Variants in ITGA4 observed in about 807,000 individuals in gnomAD.
The protein encoded by ITGA4 is integrin subunit alpha 4.
ITGA4 carries 63 observed loss-of-function variants against 133.6 expected under a neutral mutation model. That is an observed-to-expected ratio of 0.47 (90% CI 0.38 to 0.58). ITGA4 has a LOEUF of 0.58. Among genes scored for constraint, ITGA4 ranks in the 20% least tolerant of loss-of-function variants. The probability of loss-of-function intolerance (pLI) is 0.00; values close to 1 mark genes in which losing one functional copy is unlikely to be tolerated. For missense variants in ITGA4, 1,076 were observed against 1,252.7 expected, an observed-to-expected ratio of 0.86 and a Z score of 2.13; for synonymous variants, 483 against 438.0, an observed-to-expected ratio of 1.10 and a Z score of -1.28.
rs780670596 is a variant in ITGA4 at position 181,486,102 on chromosome 2, G to C, written c.1153+110G>C. 1.4e-5 allele frequency: 19 copies of C among 1,391,988 alleles called. No homozygotes were observed. The East Asian group carries it at 2.4e-4, about 18-fold the overall frequency. 86.2% of individuals were successfully genotyped at this position (1,391,988 alleles called of 1,614,324 possible). A position where few individuals can be genotyped will look rare whatever the true frequency, so the allele number is the denominator to read the frequency against. On this transcript the variant is annotated intron_variant, in intron 10 of 27. Coordinates refer to ENST00000397033, the MANE Select transcript of ITGA4 (RefSeq NM_000885.6). ...TTCCTTCCTATAGAAGATGGAGCCA[G>C]AATGGCATGCTAAGTTTTTTCTTTT...
intron 25 of ITGA4, among the ~76,000 whole-genome samples, chr2:181,532,189 C>G (rs1414765433): frequency 6.6e-6 from 1 of 152,172 alleles, no homozygotes; most frequent in African/African-American, 2.4e-5. Flanking sequence ...AGTCGGGTAG[C>G]CTGATGCCTC....
intron 2 of ITGA4, among the ~76,000 whole-genome samples, chr2:181,464,246 A>AG (rs1685358566): frequency 6.6e-6 from 1 of 152,156 alleles, no homozygotes; most frequent in South Asian, 2.1e-4. Flanking sequence ...GTAAATTATG[A>AG]GGTCTCATTA....
At chr2:181,458,359 C>G in intron 2 of ITGA4, 42 bp downstream of exon 2, 1 of 1,594,608 alleles carries the variant, frequency 6.3e-7, no homozygotes, top group South Asian at 1.1e-5. Flanking sequence ...CCTCCCGACC[C>G]CCCATGTGGA....
intron 22 of ITGA4, among the ~76,000 whole-genome samples, chr2:181,529,110 A>AT (rs1227667072): frequency 6.6e-6 from 1 of 152,198 alleles, no homozygotes; most frequent in Non-Finnish European, 1.5e-5. Context: ...AACTCTTGTC[A>AT]TTTTTTAACT....
chr2:181,458,352 C>G, intron 2 of ITGA4, 35 bp downstream of exon 2: 1 of 1,599,122 alleles, frequency 6.3e-7, no homozygotes, highest in Non-Finnish European at 8.5e-7. Context: ...TTAGTGACCT[C>G]CCGACCCCCC....
chr2:181,479,877 T>C (rs1685765361), intron 5 of ITGA4, among the ~76,000 whole-genome samples: 1 of 152,060 alleles, frequency 6.6e-6, no homozygotes, highest in African/African-American at 2.4e-5. Context: ...TCAGTACTTG[T>C]CCCTTCAACT....
At chr2:181,485,201 T>A (rs1314393055) in intron 9 of ITGA4, among the ~76,000 whole-genome samples, 1 of 152,140 alleles carries the variant, frequency 6.6e-6, no homozygotes, top group African/African-American at 2.4e-5. Flanking sequence ...TAAGAGTAAA[T>A]TTTCCTCGAC....
In ITGA4 at chr2:181,534,374, A is replaced by AG. The variant is rs760447020; in HGVS notation, c.2883+5dup. The AG allele has an allele frequency of 6.8e-7, 1 of 1,474,028 alleles. No homozygotes were observed. Among genetic ancestry groups the AG allele is most frequent in the Non-Finnish European group, 9.5e-7 (1 of 1,054,038 alleles). 91.3% of individuals were successfully genotyped at this position (1,474,028 alleles called of 1,614,324 possible). ...CAAGGATGAGAATGTTGCGCATGTA[A>AG]GATTACCCTCTTAACTGCTACATTA... On this transcript the variant is annotated splice_donor_region_variant and intron_variant, in intron 26 of 27. Coordinates refer to ENST00000397033, the MANE Select transcript of ITGA4 (RefSeq NM_000885.6).
At chr2:181,499,673 T>G (rs1002400187) in intron 15 of ITGA4, among the ~76,000 whole-genome samples, 7 of 152,170 alleles carry the variant, frequency 4.6e-5, no homozygotes, top group African/African-American at 1.7e-4. Context: ...CCTTAACAGT[T>G]TTTATTGTTG....
intron 15 of ITGA4, among the ~76,000 whole-genome samples, chr2:181,501,450 G>A (rs188914460): frequency 6.6e-6 from 1 of 152,162 alleles, no homozygotes; most frequent in South Asian, 2.1e-4. Flanking sequence ...TTTTGGCAGA[G>A]AAGTCACATG....
chr2:181,501,842 C>A (rs1159264086), intron 15 of ITGA4, among the ~76,000 whole-genome samples: 1 of 152,052 alleles, frequency 6.6e-6, no homozygotes, highest in African/African-American at 2.4e-5. Flanking sequence ...ATGTAAATAT[C>A]AACTAAGGCT....
At position 181,486,001 on chromosome 2, in the gene ITGA4, A is replaced by C; in HGVS notation, c.1153+9A>C. ...CAATGATGGCTTTGAAGGTAATTAA[A>C]ATTATCAAATTGGTACTTGATTTCT... is the stretch of plus-strand genomic sequence containing the variant. On this transcript the variant is annotated intron_variant, in intron 10 of 27. Transcript: ENST00000397033. 2 of 1,572,472 alleles carry C rather than the reference A, an allele frequency of 1.3e-6. No homozygotes were observed. Among genetic ancestry groups the C allele is most frequent in the East Asian group, 4.6e-5 (2 of 43,072 alleles).
In ITGA4 at chr2:181,523,239, T is replaced by TAC. The variant is rs1553509018; in HGVS notation, c.2074-194_2074-193dup. ...ACACACATATATACATACATATATATACACATACATATATACACACATGCA... is the reference window on the plus strand; with the variant it reads ...ACACACATATATACATACATATATATACACACATACATATATACACACATGCA... On this transcript the variant is annotated intron_variant, in intron 18 of 27. Coordinates refer to ENST00000397033, the MANE Select transcript of ITGA4 (RefSeq NM_000885.6). This position sits in a 1 kb window ranked among gnomAD's most constrained non-coding sequence, Gnocchi z 4.2. 1.5e-5 allele frequency: 7 copies of TAC among 463,904 alleles called. No homozygotes were observed. The East Asian group carries it at 2.3e-4, about 15-fold the overall frequency. 28.7% of individuals were successfully genotyped at this position (463,904 alleles called of 1,614,324 possible). A position where few individuals can be genotyped will look rare whatever the true frequency, so the allele number is the denominator to read the frequency against.
chr2:181,495,311 GA>G lies in ITGA4; in HGVS notation c.1340-55del, dbSNP rs558216232. 334 of 1,335,130 alleles carry G rather than the reference GA, an allele frequency of 2.5e-4. 6 individuals are homozygous for G. The South Asian group carries it at 3.8e-3, about 15-fold the overall frequency. The allele number at this position is 1,335,130 out of a possible 1,614,324, so 82.7% of individuals were successfully genotyped here. On this transcript the variant is annotated intron_variant, in intron 12 of 27. Coordinates refer to ENST00000397033, the MANE Select transcript of ITGA4 (RefSeq NM_000885.6). The surrounding 1 kb of genome is among the most constrained non-coding windows in gnomAD (Gnocchi z 4.3). ...GATACGTAGTTAAGTATTTATGGCT[GA>G]AAAATAATTCTCTTTGACTAATGAT...
At chr2:181,477,066 C>G (rs1331715345) in intron 4 of ITGA4, among the ~76,000 whole-genome samples, 1 of 152,048 alleles carries the variant, frequency 6.6e-6, no homozygotes, top group East Asian at 1.9e-4. Context: ...TACATCAAAC[C>G]CCTACAACAC....
At chr2:181,530,388 A>G (rs1275721676) in intron 23 of ITGA4, 136 bp from the exon 24 acceptor site, 3 of 791,466 alleles carry the variant, frequency 3.8e-6, no homozygotes. Context: ...AATCTGTCAA[A>G]AAAATTTCTA....
chr2:181,510,107 G>A (rs918321405), intron 16 of ITGA4, among the ~76,000 whole-genome samples: 2 of 151,996 alleles, frequency 1.3e-5, no homozygotes, highest in African/African-American at 4.8e-5. Context: ...CATAATGGGA[G>A]AAGATTGTAT....
chr2:181,475,805 A>G (rs750362922), intron 4 of ITGA4: 2 of 1,594,180 alleles, frequency 1.3e-6, no homozygotes, highest in South Asian at 1.1e-5. Context: ...TTCTCATGGT[A>G]ACTCTATGCT....
chr2:181,522,065 T>C, intron 17 of ITGA4, 126 bp from the exon 18 acceptor site: 1 of 494,666 alleles, frequency 2.0e-6, no homozygotes, highest in Non-Finnish European at 3.4e-6. Flanking sequence ...ATCCCATGAT[T>C]GTTTTTCCAA....
Sources: allele counts gnomAD v4.1 joint callset (sites outside exome capture counted in the v4.1 genomes callset), GRCh38; gene constraint gnomAD v4.1.1; non-coding constraint Gnocchi (gnomAD v3.1); transcripts MANE v1.5; gene names NCBI Gene and HGNC (gene_info 2026-07-23, HGNC 2026-07-21).